The following TET1 variants were observed in gnomAD, a reference collection of about 807,000 sequenced individuals.
TET1 encodes the protein methylcytosine dioxygenase TET1.
TET1 carries 13 observed loss-of-function variants against 148.7 expected under a neutral mutation model. That is an observed-to-expected ratio of 0.09 (90% CI 0.06 to 0.14). TET1 has a LOEUF of 0.14. Among genes scored for constraint, TET1 ranks in the 10% least tolerant of loss-of-function variants. TET1 has a pLI of 1.00. For synonymous variants in TET1, 907 were observed against 937.2 expected (o/e 0.97, Z 0.59); for missense variants, 2,182 against 2,553.8 (o/e 0.85, Z 3.14).
intron 3 of TET1, 83 bp downstream of exon 3, chr10:68,601,117 C>T (rs2054049965): frequency 3.3e-6 from 4 of 1,214,784 alleles, no homozygotes; most frequent in South Asian, 1.4e-5. Flanking sequence ...ATTTGGAGTA[C>T]AGTATATGTG....
chr10:68,561,596 C>T (rs995315998), intron 1 of TET1, among the ~76,000 whole-genome samples: 2 of 152,072 alleles, frequency 1.3e-5, no homozygotes, highest in Admixed American at 6.5e-5. Context: ...GGTCGTGCAG[C>T]ACGTGAGGGG....
At chr10:68,579,330 A>G (rs2053766750) in intron 2 of TET1, among the ~76,000 whole-genome samples, 1 of 152,246 alleles carries the variant, frequency 6.6e-6, no homozygotes, top group Admixed American at 6.5e-5. Flanking sequence ...TAGAATATTC[A>G]GTATCCTCGC....
chr10:68,650,304 C>G (rs1472198384), intron 4 of TET1, among the ~76,000 whole-genome samples: 1 of 152,096 alleles, frequency 6.6e-6, no homozygotes, highest in South Asian at 2.1e-4. Flanking sequence ...TGCTGTAGAT[C>G]ACTAAGAATA....
At chr10:68,667,641 G>A (rs982514050) in intron 7 of TET1, among the ~76,000 whole-genome samples, 3 of 152,132 alleles carry the variant, frequency 2.0e-5, no homozygotes, top group African/African-American at 7.2e-5. Flanking sequence ...CTACTCAGGA[G>A]GCTGAGGCAG....
chr10:68,646,290 C>T lies in TET1; in HGVS notation c.3561C>T (p.Cys1187=), dbSNP rs554199663. Residue 1187 remains cysteine, a synonymous_variant, in exon 4 of 12, where the codon TGC becomes TGT. Coordinates refer to ENST00000373644, the MANE Select transcript of TET1 (RefSeq NM_030625.3). ...TGTCCTATATGTATGGCACAATATG[C>T]GACATTTGGATAGCATCGAAATTTC... ...EKLSYMYGTI[C]DIWIASKFQN... 2.5e-5 allele frequency: 40 copies of T among 1,614,088 alleles called. No homozygotes were observed. Among genetic ancestry groups the T allele is most frequent in the Middle Eastern group, 1.6e-4 (1 of 6,062 alleles).
At chr10:68,662,812 A>T (rs577478960) in intron 6 of TET1, among the ~76,000 whole-genome samples, 2 of 152,344 alleles carry the variant, frequency 1.3e-5, no homozygotes, top group South Asian at 4.1e-4. Flanking sequence ...GTTAGGCGGA[A>T]GGATCGAATG....
Position 68,694,199 on chromosome 10 carries a change from T to C in TET1, c.*2385T>C, listed in dbSNP as rs998111284. 1.9e-4 allele frequency: 45 copies of C among 232,614 alleles called. No individual in the cohort carries two copies. Among genetic ancestry groups the C allele is most frequent in the Non-Finnish European group, 3.5e-4 (41 of 117,778 alleles). The allele number at this position is 232,614 out of a possible 1,614,324, so 14.4% of individuals were successfully genotyped here. ...TTACCAAAACAAGTATTTGAAAATATATAGTATCAACTGAAATGTTTCCAT... is the reference window on the plus strand; with the variant it reads ...TTACCAAAACAAGTATTTGAAAATACATAGTATCAACTGAAATGTTTCCAT... On this transcript the variant is annotated 3_prime_UTR_variant, in exon 12 of 12. Coordinates refer to ENST00000373644, the MANE Select transcript of TET1 (RefSeq NM_030625.3).
chr10:68,563,449 C>A (rs1247461792), intron 1 of TET1, among the ~76,000 whole-genome samples: 1 of 152,212 alleles, frequency 6.6e-6, no homozygotes, highest in Non-Finnish European at 1.5e-5. Context: ...TTCTGTAGAG[C>A]TGAATGGAGG....
At chr10:68,683,963 T>G (rs200103676) in intron 10 of TET1, among the ~76,000 whole-genome samples, 1 of 152,198 alleles carries the variant, frequency 6.6e-6, no homozygotes, top group East Asian at 1.9e-4. Flanking sequence ...TGAAATAGTA[T>G]TTTTGTCTGT....
intron 6 of TET1, among the ~76,000 whole-genome samples, chr10:68,665,938 T>C (rs73262426): frequency 0.01 from 1,541 of 152,270 alleles, 29 homozygotes; most frequent in African/African-American, 0.035. Context: ...AGTTTTGTAA[T>C]ATTATAGCAA....
chr10:68,628,015 G>T (rs1216440116), intron 3 of TET1, among the ~76,000 whole-genome samples: 1 of 152,078 alleles, frequency 6.6e-6, no homozygotes, highest in African/African-American at 2.4e-5. Context: ...TATTTTTGGG[G>T]GGGACAGAGT....
At chr10:68,626,631 A>G (rs1264195675) in intron 3 of TET1, among the ~76,000 whole-genome samples, 1 of 151,628 alleles carries the variant, frequency 6.6e-6, no homozygotes, top group Non-Finnish European at 1.5e-5. Flanking sequence ...GCTCACTGCA[A>G]CCTCTGCCTC....
chr10:68,575,734 T>C (rs2053721792), intron 2 of TET1, among the ~76,000 whole-genome samples: 1 of 148,046 alleles, frequency 6.8e-6, no homozygotes, highest in South Asian at 2.1e-4. Flanking sequence ...AATAAATAAA[T>C]AAATAGGCCG....
At chr10:68,610,336 G>C (rs1319605572) in intron 3 of TET1, among the ~76,000 whole-genome samples, 1 of 151,618 alleles carries the variant, frequency 6.6e-6, no homozygotes, top group African/African-American at 2.4e-5. Flanking sequence ...TGTAATCCCA[G>C]TACTTTGTGA....
chr10:68,594,427 A>G (rs1278563397), intron 2 of TET1, among the ~76,000 whole-genome samples: 4 of 152,184 alleles, frequency 2.6e-5, no homozygotes, highest in Non-Finnish European at 5.9e-5. Context: ...GCTTTAGAAG[A>G]GCCATCAAGG....
At chr10:68,604,735 T>C (rs1243229374) in intron 3 of TET1, among the ~76,000 whole-genome samples, 1 of 152,164 alleles carries the variant, frequency 6.6e-6, no homozygotes, top group African/African-American at 2.4e-5. Flanking sequence ...AACAACATAC[T>C]GGGCATGACT....
intron 8 of TET1, among the ~76,000 whole-genome samples, chr10:68,680,766 T>G (rs2055425448): frequency 6.6e-6 from 1 of 152,236 alleles, no homozygotes; most frequent in African/African-American, 2.4e-5. Context: ...TTGTAGTTAT[T>G]ATGGTGTAGA....
At chr10:68,652,615 C>T in intron 6 of TET1, 21 bp downstream of exon 6, 2 of 1,555,606 alleles carry the variant, frequency 1.3e-6, no homozygotes, top group African/African-American at 1.4e-5. Context: ...CCTATTTATA[C>T]ATTTTTTTGA....
intron 8 of TET1, 38 bp from the exon 9 acceptor site, chr10:68,681,361 C>A (rs369072213): frequency 7.3e-7 from 1 of 1,365,766 alleles, no homozygotes; most frequent in Non-Finnish European, 1.0e-6. Context: ...CATGAAGGTG[C>A]GATTATAAAA....
Sources: gnomAD v4.1 joint callset for allele counts (sites outside exome capture counted in the v4.1 genomes callset) on GRCh38, gnomAD v4.1.1 for gene constraint, MANE v1.5 for transcripts, NCBI Gene and HGNC (gene_info 2026-07-23, HGNC 2026-07-21) for gene names.